ZBTB20: variants seen among roughly 807,000 people sequenced by gnomAD.
The protein encoded by ZBTB20 is zinc finger and BTB domain-containing protein 20.
Under a neutral mutation model 56.9 loss-of-function variants are expected in ZBTB20, and 9 were observed. The ratio of observed to expected loss-of-function variants is 0.16; its 90% confidence interval spans 0.10 to 0.28. ZBTB20 has a LOEUF of 0.28. ZBTB20 is among the 10% of genes least tolerant of loss of function. ZBTB20 has a pLI of 1.00. For synonymous variants in ZBTB20, 417 were observed against 420.7 expected (o/e 0.99, Z 0.11); for missense variants, 655 against 1,003.0 (o/e 0.65, Z 4.69).
chr3:115,107,036 C>T (rs1489521206), intron 1 of ZBTB20, among the ~76,000 whole-genome samples: 1 of 152,132 alleles, frequency 6.6e-6, no homozygotes, highest in Non-Finnish European at 1.5e-5. Context: ...TGTATTGTCA[C>T]ATATTAAACA....
At chr3:114,932,681 A>G (rs939351783) in intron 3 of ZBTB20, among the ~76,000 whole-genome samples, 3 of 152,202 alleles carry the variant, frequency 2.0e-5, no homozygotes, top group African/African-American at 7.2e-5. Context: ...AGTACAAATA[A>G]TTTATTTTGG....
At chr3:114,407,629 C>G (rs1257283353) in intron 7 of ZBTB20, among the ~76,000 whole-genome samples, 1 of 152,178 alleles carries the variant, frequency 6.6e-6, no homozygotes, top group East Asian at 1.9e-4. Flanking sequence ...AGAAAACTTC[C>G]CTGGACTGCT....
intron 4 of ZBTB20, among the ~76,000 whole-genome samples, chr3:114,855,732 T>C (rs538370783): frequency 2.0e-5 from 3 of 152,288 alleles, no homozygotes; most frequent in South Asian, 2.1e-4. Context: ...GAAGATACAC[T>C]GCTGAGTCTT....
At chr3:115,142,360 C>T (rs893368668) in intron 1 of ZBTB20, among the ~76,000 whole-genome samples, 1 of 152,096 alleles carries the variant, frequency 6.6e-6, no homozygotes, top group Non-Finnish European at 1.5e-5. Flanking sequence ...CCATTTTGCT[C>T]TTTAAAAAAA....
In ZBTB20 at chr3:114,599,856, G is replaced by A. The variant is rs570703733; in HGVS notation, c.-295+93672C>T. 3.3e-5 allele frequency among the ~76,000 whole-genome samples: 5 copies of A among 152,008 alleles called. No individual in the cohort carries two copies. The East Asian group carries it at 9.7e-4, about 29-fold the overall frequency. On this transcript the variant is annotated intron_variant, in intron 6 of 11. Transcript: ENST00000675478. The stretch of plus-strand genomic sequence containing the variant: ...CCTTAAGATTATTATCTAGATTAGG[G>A]TTACATGACTGTACTAAGAGGTCCA...
At chr3:115,087,571 C>G (rs1449390283) in intron 1 of ZBTB20, among the ~76,000 whole-genome samples, 1 of 151,846 alleles carries the variant, frequency 6.6e-6, no homozygotes, top group Non-Finnish European at 1.5e-5. Context: ...AGGAGAGCAT[C>G]TTTATCAGCA....
intron 5 of ZBTB20, among the ~76,000 whole-genome samples, chr3:114,766,226 A>C (rs1329159251): frequency 1.3e-5 from 2 of 152,136 alleles, no homozygotes; most frequent in Non-Finnish European, 2.9e-5. Flanking sequence ...TAGGGGCAGA[A>C]ACAACAGCAG....
At chr3:114,728,762 T>G (rs1451927244) in intron 5 of ZBTB20, among the ~76,000 whole-genome samples, 2 of 152,222 alleles carry the variant, frequency 1.3e-5, no homozygotes, top group African/African-American at 4.8e-5. Flanking sequence ...GTCAAGAGAA[T>G]AAGAGAGAGA....
intron 5 of ZBTB20, among the ~76,000 whole-genome samples, chr3:114,714,616 C>CCAACA (rs2064331248): frequency 6.6e-6 from 1 of 151,988 alleles, no homozygotes; most frequent in Non-Finnish European, 1.5e-5. Flanking sequence ...TCTTCTTTTC[C>CCAACA]ATGTGTGCAA....
At chr3:114,635,386 A>G (rs1356058586) in intron 6 of ZBTB20, among the ~76,000 whole-genome samples, 3 of 152,124 alleles carry the variant, frequency 2.0e-5, no homozygotes, top group African/African-American at 4.8e-5. Context: ...TGCTACTTCA[A>G]ATATACAGAT....
chr3:114,330,974 T>C lies in ZBTB20; in HGVS notation c.*8031A>G, dbSNP rs1041117474. The C allele has an allele frequency of 2.0e-5, 3 of 152,234 alleles. No homozygotes were observed. Among genetic ancestry groups the C allele is most frequent in the African/African-American group, 7.2e-5 (3 of 41,448 alleles). The allele number at this position is 152,234 out of a possible 1,614,324, so 9.4% of individuals were successfully genotyped here. A position where few individuals can be genotyped will look rare whatever the true frequency, so the allele number is the denominator to read the frequency against. ...CAACAGTCTATTGGTTTGCTAGACA[T>C]GGTAAACAACCCACTCCTGGAAAGA... is the stretch of plus-strand genomic sequence containing the variant. On this transcript the variant is annotated 3_prime_UTR_variant, in exon 12 of 12. Coordinates refer to ENST00000675478, the MANE Select transcript of ZBTB20 (RefSeq NM_001348800.3).
At chr3:114,592,184 T>C (rs935213333) in intron 6 of ZBTB20, among the ~76,000 whole-genome samples, 3 of 152,176 alleles carry the variant, frequency 2.0e-5, no homozygotes, top group African/African-American at 7.2e-5. Flanking sequence ...AATTCTGAAG[T>C]GCTGGCCACA....
At chr3:114,355,541 T>A (rs1224545622) in intron 10 of ZBTB20, among the ~76,000 whole-genome samples, 1 of 152,222 alleles carries the variant, frequency 6.6e-6, no homozygotes, top group Non-Finnish European at 1.5e-5. Context: ...GCTGAGGCAA[T>A]TCCTTTCCCA....
chr3:114,485,823 A>T (rs905418055), intron 7 of ZBTB20, among the ~76,000 whole-genome samples: 2 of 152,176 alleles, frequency 1.3e-5, no homozygotes, highest in Admixed American at 6.5e-5. Context: ...ACTTCACCAG[A>T]TACCAAATTT....
chr3:114,383,103 A>G (rs1223402350), intron 8 of ZBTB20, among the ~76,000 whole-genome samples: 1 of 152,240 alleles, frequency 6.6e-6, no homozygotes, highest in Non-Finnish European at 1.5e-5. Flanking sequence ...GCAGCAAGGT[A>G]GCAAAACTAC....
chr3:114,499,548 G>A (rs2043690774), intron 7 of ZBTB20, among the ~76,000 whole-genome samples: 1 of 152,170 alleles, frequency 6.6e-6, no homozygotes, highest in African/African-American at 2.4e-5. Context: ...ATCACATTAG[G>A]TGACTATCAC....
intron 1 of ZBTB20, among the ~76,000 whole-genome samples, chr3:115,092,822 A>G (rs1225791290): frequency 6.6e-6 from 1 of 152,128 alleles, no homozygotes; most frequent in Non-Finnish European, 1.5e-5. Context: ...AGACTCAATA[A>G]TACATTATGA....
At chr3:115,072,157 C>A (rs930119425) in intron 1 of ZBTB20, among the ~76,000 whole-genome samples, 2 of 152,106 alleles carry the variant, frequency 1.3e-5, no homozygotes, top group Non-Finnish European at 2.9e-5. Flanking sequence ...TGAATAATTT[C>A]TAATTGGTTA....
intron 6 of ZBTB20, among the ~76,000 whole-genome samples, chr3:114,555,402 C>T (rs1348813167): frequency 6.6e-6 from 1 of 152,028 alleles, no homozygotes. Context: ...ATCCCAGCAT[C>T]TCAGCAGCTA....
Sources: gnomAD v4.1 joint callset for allele counts (sites outside exome capture counted in the v4.1 genomes callset) on GRCh38, gnomAD v4.1.1 for gene constraint, MANE v1.5 for transcripts, NCBI Gene and HGNC (gene_info 2026-07-23, HGNC 2026-07-21) for gene names.